The following EDA2R variants were observed in gnomAD, a reference collection of about 807,000 sequenced individuals.
EDA2R encodes ectodysplasin A2 receptor.
EDA2R carries 26 observed loss-of-function variants against 20.1 expected under a neutral mutation model. The observed-to-expected ratio is 1.30, with a 90% confidence interval of 0.95 to 1.80. The LOEUF is 1.80. Among genes scored for constraint, EDA2R ranks in the 40% most tolerant of loss-of-function variants. EDA2R has a pLI of 0.00. For missense variants in EDA2R, 277 were observed against 228.7 expected, an observed-to-expected ratio of 1.21 and a Z score of -1.36; for synonymous variants, 114 against 88.7, an observed-to-expected ratio of 1.29 and a Z score of -1.60.
intron 1 of EDA2R, among the ~76,000 whole-genome samples, chrX:66,626,746 G>T (rs943847912): frequency 1.1e-5 from 1 of 94,811 alleles, no homozygotes; most frequent in African/African-American, 3.9e-5. Flanking sequence ...ACAAAGGAAA[G>T]AATCTTAAGA....
rs922925723 is a variant in EDA2R, at chrX:66,596,244, C to T, written c.*1860G>A. ...AAGCACAGTGCTCAAAGAAATATGC[C>T]TCAGCATTGAAAAGTAAAACTGTAA... is the stretch of plus-strand genomic sequence containing the variant. On this transcript the variant is annotated 3_prime_UTR_variant, in exon 7 of 7. Coordinates refer to ENST00000374719, the MANE Select transcript of EDA2R (RefSeq NM_021783.5). 52 of 111,175 alleles carry T rather than the reference C, an allele frequency of 4.7e-4. No homozygotes were observed. The highest frequency in any genetic ancestry group is 1.4e-3 in the African/African-American group (44 of 30,529). 9.2% of individuals were successfully genotyped at this position (111,175 alleles called of 1,213,427 possible). A position where few individuals can be genotyped will look rare whatever the true frequency, so the allele number is the denominator to read the frequency against.
rs2147490263 is a variant in EDA2R, at chrX:66,597,377, G to T, written c.*727C>A. ...TTGAGGGACTGCTGTGGGGTAGTTT[G>T]GGGAACTCAGGCCCCAGAAGGAAGA... On this transcript the variant is annotated 3_prime_UTR_variant, in exon 7 of 7. Coordinates refer to ENST00000374719, the MANE Select transcript of EDA2R (RefSeq NM_021783.5). 8.9e-6 allele frequency: 1 copy of T among 111,939 alleles called. No homozygotes were observed. Among genetic ancestry groups the T allele is most frequent in the African/African-American group, 3.2e-5 (1 of 30,825 alleles). The allele number at this position is 111,939 out of a possible 1,213,427, so 9.2% of individuals were successfully genotyped here.
At chrX:66,622,447 A>G (rs755025978) in intron 1 of EDA2R, among the ~76,000 whole-genome samples, 48 of 111,386 alleles carry the variant, frequency 4.3e-4, no homozygotes, top group Admixed American at 1.6e-3. Flanking sequence ...TGCTCTCTCT[A>G]TGTAGTATGG....
At chrX:66,637,387 A>G (rs963762011) in intron 1 of EDA2R, among the ~76,000 whole-genome samples, 1 of 110,356 alleles carries the variant, frequency 9.1e-6, no homozygotes, top group Non-Finnish European at 1.9e-5. Flanking sequence ...CAGCTGACTA[A>G]CCTTTTACCA....
At chrX:66,617,223 C>G (rs1215428798) in intron 1 of EDA2R, among the ~76,000 whole-genome samples, 1 of 112,134 alleles carries the variant, frequency 8.9e-6, no homozygotes, top group Non-Finnish European at 1.9e-5. Context: ...TCCCCAAAAG[C>G]GACAGGTTAA....
chrX:66,614,981 A>T lies in EDA2R; in HGVS notation c.87+953T>A, dbSNP rs1482340650. Among the ~76,000 whole-genome samples the T allele has an allele frequency of 1.3e-4, 15 of 111,333 alleles. No homozygotes were observed. In the Admixed American group the frequency reaches 1.4e-3, roughly 11 times the overall value. ...GTTCATTTTCACCTTGGGACTCTGC[A>T]CTAGTATCCTCTCCCCAGAGGCTGT... On this transcript the variant is annotated intron_variant, in intron 2 of 6. Transcript: ENST00000374719.
intron 1 of EDA2R, among the ~76,000 whole-genome samples, chrX:66,632,460 T>TGAG (rs1314726646): frequency 1.2e-5 from 1 of 86,574 alleles, no homozygotes; most frequent in African/African-American, 4.7e-5. Context: ...AGGAGGAGGG[T>TGAG]GAGGAGGAGG....
intron 1 of EDA2R, among the ~76,000 whole-genome samples, chrX:66,618,024 T>C (rs1387847336): frequency 9.0e-6 from 1 of 110,607 alleles, no homozygotes; most frequent in Non-Finnish European, 1.9e-5. Context: ...GTAGCTGGGA[T>C]TACAGGAGCA....
At chrX:66,600,559 C>T (rs1032799940) in intron 5 of EDA2R, among the ~76,000 whole-genome samples, 9 of 111,904 alleles carry the variant, frequency 8.0e-5, no homozygotes, top group African/African-American at 2.9e-4. Flanking sequence ...AGAAACACAG[C>T]CCTGCCAATA....
At chrX:66,629,204 G>A (rs1477736831) in intron 1 of EDA2R, among the ~76,000 whole-genome samples, 1 of 111,497 alleles carries the variant, frequency 9.0e-6, no homozygotes, top group African/African-American at 3.3e-5. Flanking sequence ...TGTAATGAAA[G>A]CCATCTATGA....
At chrX:66,604,337 G>A in intron 4 of EDA2R, 84 bp downstream of exon 4, 1 of 847,304 alleles carries the variant, frequency 1.2e-6, no homozygotes, top group Non-Finnish European at 1.7e-6. Flanking sequence ...AAAGGTATGA[G>A]GGGATATGGG....
At chrX:66,599,111 G>T (rs1209993309) in intron 6 of EDA2R, among the ~76,000 whole-genome samples, 1 of 112,204 alleles carries the variant, frequency 8.9e-6, no homozygotes, top group Non-Finnish European at 1.9e-5. Flanking sequence ...AGGGTTTCCA[G>T]ATGACAAGGC....
chrX:66,619,808 T>C (rs984486780), intron 1 of EDA2R, among the ~76,000 whole-genome samples: 32 of 112,046 alleles, frequency 2.9e-4, no homozygotes, highest in African/African-American at 1.0e-3. Flanking sequence ...GGAAGTGCTC[T>C]AAAAATTCAT....
chrX:66,633,639 A>C (rs1452923572), intron 1 of EDA2R, among the ~76,000 whole-genome samples: 1 of 111,585 alleles, frequency 9.0e-6, no homozygotes, highest in East Asian at 2.8e-4. Flanking sequence ...ACCGGCACTC[A>C]GCTAACACCT....
chrX:66,622,654 C>T (rs992100176), intron 1 of EDA2R, among the ~76,000 whole-genome samples: 3 of 111,780 alleles, frequency 2.7e-5, no homozygotes, highest in African/African-American at 6.5e-5. Context: ...AGTTGCTCAA[C>T]GTAGCCTTGA....
intron 2 of EDA2R, among the ~76,000 whole-genome samples, chrX:66,613,897 C>T (rs1016300299): frequency 2.7e-5 from 3 of 111,423 alleles, no homozygotes; most frequent in African/African-American, 9.8e-5. Context: ...TCAGATGCTT[C>T]TAGCTGCTTA....
intron 1 of EDA2R, among the ~76,000 whole-genome samples, chrX:66,616,838 C>T (rs1049288005): frequency 8.9e-6 from 1 of 111,995 alleles, no homozygotes; most frequent in African/African-American, 3.2e-5. Flanking sequence ...TCTTTTCTGG[C>T]CTCGGTTACT....
intron 1 of EDA2R, among the ~76,000 whole-genome samples, chrX:66,629,217 A>G (rs1247416939): frequency 8.9e-6 from 1 of 111,811 alleles, no homozygotes; most frequent in Non-Finnish European, 1.9e-5. Flanking sequence ...ATCTATGACA[A>G]ACCCATAGCC....
Position 66,602,643 on chromosome X carries a change from A to G in EDA2R, c.507T>C (p.His169=). 1 of 1,198,143 alleles carries G rather than the reference A, an allele frequency of 8.3e-7. No individual in the cohort carries two copies. The highest frequency in any genetic ancestry group is 1.1e-6 in the Non-Finnish European group (1 of 888,664). The stretch of plus-strand genomic sequence containing the variant: ...AACAGCCACCCTTACCACGCTGGCA[A>G]TGTCTGTTGAAGAACTGCTTGCAGT... ...FLYCKQFFNR[H]CQRGGLLQFE... is the part of the protein sequence containing the mutation. Residue 169 remains histidine (H), a synonymous_variant, in exon 5 of 7, where the codon CAT becomes CAC. Coordinates refer to ENST00000374719, the MANE Select transcript of EDA2R (RefSeq NM_021783.5).
Sources: gnomAD v4.1 joint callset for allele counts (sites outside exome capture counted in the v4.1 genomes callset) on GRCh38, gnomAD v4.1.1 for gene constraint, MANE v1.5 for transcripts, NCBI Gene and HGNC (gene_info 2026-07-23, HGNC 2026-07-21) for gene names.